The following SDCBP variants were observed in gnomAD, a reference collection of about 807,000 sequenced individuals.
SDCBP encodes the protein syntenin-1.
In SDCBP, 22 loss-of-function variants were observed where a neutral mutation model predicts 30.5. That is an observed-to-expected ratio of 0.72 (90% CI 0.52 to 1.03). The LOEUF is 1.03. Among genes scored for constraint, SDCBP ranks in the 50% least tolerant of loss-of-function variants. SDCBP has a pLI of 0.00. For missense variants in SDCBP, 304 were observed against 369.9 expected (o/e 0.82, Z 1.46); for synonymous variants, 103 against 118.7 (o/e 0.87, Z 0.86).
At chr8:58,572,800 C>CTTTTTTTTTTTTTTTTTTTTTTTTTTTTT in intron 4 of SDCBP, among the ~76,000 whole-genome samples, 1 of 83,140 alleles carries the variant, frequency 1.2e-5, no homozygotes, top group Non-Finnish European at 2.2e-5. Flanking sequence ...TGCTCATAAT[C>CTTTTTTTTTTTTTTTTTTTTTTTTTTTTT]TTTTTTTTTT....
chr8:58,573,199 C>T (rs899522067), intron 4 of SDCBP, among the ~76,000 whole-genome samples: 4 of 152,022 alleles, frequency 2.6e-5, no homozygotes, highest in African/African-American at 9.7e-5. Flanking sequence ...GGTCTGATAA[C>T]CTTTTATTAA....
intron 6 of SDCBP, among the ~76,000 whole-genome samples, chr8:58,578,674 C>T (rs74505283): frequency 1.4e-3 from 210 of 152,294 alleles, no homozygotes; most frequent in Non-Finnish European, 2.7e-3. Flanking sequence ...GCAGCTCATT[C>T]ATTTAGAACT....
intron 1 of SDCBP, among the ~76,000 whole-genome samples, chr8:58,562,242 T>C (rs571008503): frequency 5.3e-5 from 8 of 151,894 alleles, no homozygotes; most frequent in Non-Finnish European, 1.2e-4. Flanking sequence ...AGGGGATGAA[T>C]GGATTAAAAA....
At chr8:58,556,152 C>T (rs1230394739) in intron 1 of SDCBP, among the ~76,000 whole-genome samples, 1 of 152,182 alleles carries the variant, frequency 6.6e-6, no homozygotes, top group African/African-American at 2.4e-5. Flanking sequence ...TTTAATACAG[C>T]GGTTCCCGAC....
At position 58,570,961 on chromosome 8, in the gene SDCBP, T is replaced by C. The variant is rs200967397; in HGVS notation, c.126T>C (p.Asp42=). Residue 42 remains aspartate (D), a synonymous_variant, in exon 3 of 9, where the codon GAT becomes GAC. Transcript: ENST00000260130. ...LSEASAPIPH[D]GNLYPRLYPE... ...AAGCTTCTGCTCCTATCCCTCACGA[T>C]GGAAGTAGGTTTATACTTTGAGTTC... is the stretch of plus-strand genomic sequence containing the variant. 8.1e-6 allele frequency: 13 copies of C among 1,605,624 alleles called. No individual in the cohort carries two copies. Among genetic ancestry groups the C allele is most frequent in the Middle Eastern group, 1.7e-4 (1 of 6,038 alleles).
chr8:58,553,511 GCGCGCTCTTC>G (rs1263283901), intron 1 of SDCBP, among the ~76,000 whole-genome samples: 1 of 151,998 alleles, frequency 6.6e-6, no homozygotes, highest in Non-Finnish European at 1.5e-5. Flanking sequence ...TGCGGGAGCA[GCGCGCTCTTC>G]CTGCCGCGAC....
rs373695046 is a variant in SDCBP at position 58,581,811 on chromosome 8, C to A, written c.*71C>A. 7.9e-7 allele frequency: 1 copy of A among 1,273,520 alleles called. No homozygotes were observed. Among genetic ancestry groups the A allele is most frequent in the East Asian group, 2.3e-5 (1 of 43,306 alleles). The allele number at this position is 1,273,520 out of a possible 1,614,324, so 78.9% of individuals were successfully genotyped here. A position where few individuals can be genotyped will look rare whatever the true frequency, so the allele number is the denominator to read the frequency against. On this transcript the variant is annotated 3_prime_UTR_variant, in exon 9 of 9. Coordinates refer to ENST00000260130, the MANE Select transcript of SDCBP (RefSeq NM_005625.4). The stretch of plus-strand genomic sequence containing the variant: ...TCTTTGGCAACTTCTGTATTATGCA[C>A]GTGAAGCCTTCCCGGAGCCAGCGAG...
intron 4 of SDCBP, among the ~76,000 whole-genome samples, chr8:58,573,294 C>T (rs887549740): frequency 3.9e-5 from 6 of 152,088 alleles, no homozygotes; most frequent in Non-Finnish European, 5.9e-5. Context: ...TATCCCAATG[C>T]ATATACAGTA....
chr8:58,565,422 T>G (rs1276983105), intron 2 of SDCBP, among the ~76,000 whole-genome samples: 1 of 152,128 alleles, frequency 6.6e-6, no homozygotes, highest in East Asian at 1.9e-4. Context: ...ATTGGTATAT[T>G]TTTCTTTTGG....
chr8:58,572,231 C>T lies in SDCBP; in HGVS notation c.157C>T (p.Leu53Phe). 1 of 1,609,082 alleles carries T rather than the reference C, an allele frequency of 6.2e-7. No individual in the cohort carries two copies. Among genetic ancestry groups the T allele is most frequent in the Non-Finnish European group, 8.5e-7 (1 of 1,177,040 alleles). The change falls in exon 4 of 9, where the codon CTC becomes TTC. Residue 53 changes from leucine (L) to phenylalanine (F), a missense_variant. By Grantham distance (22) the Leu-to-Phe change is conservative (BLOSUM62 0). Transcript: ENST00000260130. ...GNLYPRLYPE[L>F]SQYMGLSLNE... ...TCTCTATCCCAGACTGTATCCAGAG[C>T]TCTCTCAATACATGGGGCTGAGTTT...
chr8:58,571,218 A>G (rs112860995), intron 3 of SDCBP, among the ~76,000 whole-genome samples: 2,192 of 152,310 alleles, frequency 0.014, 63 homozygotes, highest in African/African-American at 0.051. Context: ...GTAAATCCCT[A>G]ACGTGGCTGA....
chr8:58,577,537 A>T (rs17264556), intron 5 of SDCBP, among the ~76,000 whole-genome samples: 2,567 of 152,330 alleles, frequency 0.017, 33 homozygotes, highest in African/African-American at 0.035. Flanking sequence ...GCAAATGGGT[A>T]AAGGAATGCT....
At chr8:58,575,204 C>G (rs1362468093) in intron 4 of SDCBP, among the ~76,000 whole-genome samples, 2 of 152,074 alleles carry the variant, frequency 1.3e-5, no homozygotes, top group Non-Finnish European at 2.9e-5. Flanking sequence ...GCAGGATTTC[C>G]TTTTTTTAGT....
chr8:58,558,229 G>C (rs1384532021), intron 1 of SDCBP, among the ~76,000 whole-genome samples: 4 of 152,062 alleles, frequency 2.6e-5, no homozygotes, highest in East Asian at 1.9e-4. Context: ...CTTATTTACT[G>C]TTGTTTTGAT....
intron 1 of SDCBP, among the ~76,000 whole-genome samples, chr8:58,556,248 C>CG (rs1804095061): frequency 6.6e-6 from 1 of 152,148 alleles, no homozygotes; most frequent in Non-Finnish European, 1.5e-5. Context: ...AACTATATCA[C>CG]GAGGAGCGTT....
intron 6 of SDCBP, among the ~76,000 whole-genome samples, chr8:58,578,989 A>G (rs1184479655): frequency 6.6e-6 from 1 of 152,226 alleles, no homozygotes; most frequent in African/African-American, 2.4e-5. Context: ...TAAAACCCTT[A>G]TGATAACATG....
intron 1 of SDCBP, among the ~76,000 whole-genome samples, chr8:58,563,221 G>T (rs1400770092): frequency 1.3e-5 from 2 of 152,102 alleles, no homozygotes; most frequent in African/African-American, 4.8e-5. Flanking sequence ...ATATAATGTG[G>T]TATACATACA....
rs777371212 is a variant in SDCBP, at chr8:58,579,776, G to C, written c.732G>C (p.Gln244His). The C allele has an allele frequency of 6.9e-5, 111 of 1,609,422 alleles. No homozygotes were observed. Among genetic ancestry groups the C allele is most frequent in the Non-Finnish European group, 7.2e-5 (85 of 1,178,094 alleles). Residue 244 changes from glutamine (Q) to histidine (H), a missense_variant, in exon 7 of 9, where the codon CAG becomes CAC. Coordinates refer to ENST00000260130, the MANE Select transcript of SDCBP (RefSeq NM_005625.4). ...TEHNICEINGQNVIGLKDSQI... is the reference protein window; with the variant it reads ...TEHNICEINGHNVIGLKDSQI... ...ATAACATCTGTGAAATCAATGGACA[G>C]AATGTCATTGGATTGAAGGTAAGGA...
intron 1 of SDCBP, among the ~76,000 whole-genome samples, chr8:58,557,343 A>C (rs1287635197): frequency 7.3e-6 from 1 of 137,534 alleles, no homozygotes; most frequent in Non-Finnish European, 1.5e-5. Flanking sequence ...ATATAAATAT[A>C]TAAAATATAT....
Sources: gnomAD v4.1 joint callset for allele counts (sites outside exome capture counted in the v4.1 genomes callset) on GRCh38, gnomAD v4.1.1 for gene constraint, MANE v1.5 for transcripts, NCBI Gene and HGNC (gene_info 2026-07-23, HGNC 2026-07-21) for gene names.